Variants in GALNT7 observed in about 807,000 individuals in gnomAD.
GALNT7 encodes polypeptide N-acetylgalactosaminyltransferase 7, also known as N-acetylgalactosaminyltransferase 7.
A neutral mutation model predicts 82.1 loss-of-function variants in GALNT7; 60 were observed. The observed-to-expected ratio is 0.73, with a 90% CI of 0.59 to 0.91. The LOEUF is 0.91. Among genes scored for constraint, GALNT7 ranks in the 40% least tolerant of loss-of-function variants. The pLI, the probability that GALNT7 is intolerant of heterozygous loss-of-function variation, is 0.00. For synonymous variants in GALNT7, 243 were observed against 275.1 expected (o/e 0.88, Z 1.15); for missense variants, 660 against 804.2 (o/e 0.82, Z 2.17).
intron 2 of GALNT7, among the ~76,000 whole-genome samples, chr4:173,249,800 A>C (rs1734787172): frequency 1.3e-5 from 2 of 152,100 alleles, no homozygotes; most frequent in South Asian, 4.1e-4. Context: ...CTTAGTCAGG[A>C]GATAAAGATG....
Position 173,311,246 on chromosome 4 carries a change from T to G in GALNT7, c.1390-2712T>G, listed in dbSNP as rs543273495. Among the ~76,000 whole-genome samples the G allele has an allele frequency of 5.9e-5, 9 of 152,346 alleles. No individual in the cohort carries two copies. The East Asian group carries it at 1.7e-3, about 29-fold the overall frequency. ...GAAAACTAATTGCTCCTTCTTTTTG[T>G]TGCCATAATCTTACATGTGTATACA... is the stretch of plus-strand genomic sequence containing the variant. On this transcript the variant is annotated intron_variant, in intron 8 of 11. Transcript: ENST00000265000.
intron 1 of GALNT7, chr4:173,169,359 G>C (rs1279296179): frequency 6.6e-6 from 1 of 150,942 alleles, no homozygotes; most frequent in Non-Finnish European, 1.5e-5. Flanking sequence ...CCGGGGACGC[G>C]GGGTTGGTCC....
Position 173,168,824 on chromosome 4 carries a change from C to T in GALNT7, c.-12C>T, listed in dbSNP as rs758846082. The T allele has an allele frequency of 1.6e-5, 25 of 1,611,458 alleles. No homozygotes were observed. In the East Asian group the frequency reaches 4.7e-4, roughly 30 times the overall value. On this transcript the variant is annotated 5_prime_UTR_variant, in exon 1 of 12. Transcript: ENST00000265000. ...CTGCGCCGGGCTGTGAGTCTCTCGC[C>T]GCCGGAGGAAGATGAGGCTGAAGAT... is the stretch of plus-strand genomic sequence containing the variant.
chr4:173,194,376 G>A (rs542183168), intron 1 of GALNT7, among the ~76,000 whole-genome samples: 184 of 152,316 alleles, frequency 1.2e-3, no homozygotes, highest in Non-Finnish European at 2.2e-3. Context: ...CCTAGGGCTA[G>A]TATGCACCAT....
In GALNT7 at chr4:173,295,400, C is replaced by G. The variant is rs34460464; in HGVS notation, c.759C>G (p.His253Gln). The G allele has an allele frequency of 9.4e-4, 1,480 of 1,576,488 alleles. 16 individuals carry two copies. In the African/African-American group the frequency reaches 0.018, roughly 19 times the overall value. Residue 253 changes from histidine to glutamine, a missense_variant, in exon 4 of 12, where the codon CAC becomes CAG. Transcript: ENST00000265000. ...VLIDDFSNKE[H>Q]LKEKLDEYIK... Reference sequence around the variant, plus strand: ...TCGATTGATTTTTCTTAACAGAACACTTAAAAGAAAAACTGGATGAATATA... The same window carrying G: ...TCGATTGATTTTTCTTAACAGAACAGTTAAAAGAAAAACTGGATGAATATA...
intron 1 of GALNT7, among the ~76,000 whole-genome samples, chr4:173,245,504 A>C (rs1024435884): frequency 6.6e-6 from 1 of 152,074 alleles, no homozygotes; most frequent in African/African-American, 2.4e-5. Context: ...CTACTCTTCT[A>C]TATTTAATAA....
chr4:173,294,841 A>C (rs1415590007), intron 3 of GALNT7, among the ~76,000 whole-genome samples: 1 of 152,192 alleles, frequency 6.6e-6, no homozygotes, highest in East Asian at 1.9e-4. Flanking sequence ...GCTTAAGATA[A>C]AGAGAAAATG....
intron 8 of GALNT7, among the ~76,000 whole-genome samples, chr4:173,311,648 G>A (rs987127238): frequency 1.3e-5 from 2 of 152,130 alleles, no homozygotes; most frequent in Non-Finnish European, 2.9e-5. Flanking sequence ...GCATGGGGGT[G>A]GGGGGTGGAC....
At chr4:173,198,022 A>G (rs1019128059) in intron 1 of GALNT7, among the ~76,000 whole-genome samples, 9 of 152,068 alleles carry the variant, frequency 5.9e-5, no homozygotes, top group African/African-American at 2.2e-4. Context: ...AACCCCTGCA[A>G]GGGTGATGCA....
chr4:173,198,458 T>A (rs59102843), intron 1 of GALNT7, among the ~76,000 whole-genome samples: 2,775 of 152,244 alleles, frequency 0.018, 91 homozygotes, highest in African/African-American at 0.064. Flanking sequence ...TACATCTCTA[T>A]GTGGCCCTTC....
chr4:173,193,376 T>G (rs1170211567), intron 1 of GALNT7, among the ~76,000 whole-genome samples: 2 of 152,170 alleles, frequency 1.3e-5, no homozygotes. Flanking sequence ...TATGGAAAAT[T>G]CACATGGAAG....
At chr4:173,182,522 A>G (rs1202391944) in intron 1 of GALNT7, among the ~76,000 whole-genome samples, 1 of 152,194 alleles carries the variant, frequency 6.6e-6, no homozygotes, top group African/African-American at 2.4e-5. Flanking sequence ...GTGGGTGCTA[A>G]AAGTAAGAAT....
At chr4:173,225,893 C>G (rs762861357) in intron 1 of GALNT7, among the ~76,000 whole-genome samples, 1 of 152,186 alleles carries the variant, frequency 6.6e-6, no homozygotes, top group Non-Finnish European at 1.5e-5. Context: ...TGGTTCTCTA[C>G]CAAGTCCTGA....
intron 1 of GALNT7, 185 bp downstream of exon 1, chr4:173,169,146 C>CCGCCGGCCCGCCCCCT (rs1419667344): frequency 3.5e-6 from 1 of 282,566 alleles, no homozygotes; most frequent in Non-Finnish European, 6.3e-6. Flanking sequence ...TCCCTGGCCG[C>CCGCCGGCCCGCCCCCT]CGCCGGCCCG....
intron 1 of GALNT7, among the ~76,000 whole-genome samples, chr4:173,172,081 G>A (rs75077864): frequency 0.013 from 2,038 of 152,332 alleles, 37 homozygotes; most frequent in East Asian, 0.057. Context: ...AGGAGTGAGA[G>A]TATTAAAAAG....
At chr4:173,180,695 CT>C (rs1732221064) in intron 1 of GALNT7, among the ~76,000 whole-genome samples, 1 of 152,186 alleles carries the variant, frequency 6.6e-6, no homozygotes, top group Admixed American at 6.5e-5. Flanking sequence ...CATTTCAAAA[CT>C]TGTCTTAGGT....
intron 2 of GALNT7, among the ~76,000 whole-genome samples, chr4:173,269,232 T>G (rs1180358761): frequency 6.6e-6 from 1 of 152,232 alleles, no homozygotes; most frequent in Non-Finnish European, 1.5e-5. Flanking sequence ...TTTAGAAATG[T>G]GAAGACCAAA....
chr4:173,294,773 A>G (rs1041036973), intron 3 of GALNT7, among the ~76,000 whole-genome samples: 3 of 152,150 alleles, frequency 2.0e-5, no homozygotes, highest in African/African-American at 4.8e-5. Flanking sequence ...AAACACATAT[A>G]TACATATATG....
chr4:173,218,670 T>C (rs1334808067), intron 1 of GALNT7, among the ~76,000 whole-genome samples: 1 of 152,202 alleles, frequency 6.6e-6, no homozygotes, highest in Non-Finnish European at 1.5e-5. Flanking sequence ...GTAGAAGGAT[T>C]GATAGTGTCC....
Sources: gnomAD v4.1 joint callset for allele counts (sites outside exome capture counted in the v4.1 genomes callset) on GRCh38, gnomAD v4.1.1 for gene constraint, MANE v1.5 for transcripts, NCBI Gene and HGNC (gene_info 2026-07-23, HGNC 2026-07-21) for gene names.